Variants in THSD7B observed in about 807,000 individuals in gnomAD.
The protein encoded by THSD7B is thrombospondin type 1 domain containing 7B, also known as thrombospondin type-1 domain-containing protein 7B.
A neutral mutation model predicts 213.6 loss-of-function variants in THSD7B; 138 were observed. The observed-to-expected ratio is 0.65, with a 90% confidence interval of 0.56 to 0.74. The LOEUF is 0.74. THSD7B is among the 30% of genes least tolerant of loss of function. The pLI is 0.00. For missense variants in THSD7B, 1,931 were observed against 1,991.5 expected, an observed-to-expected ratio of 0.97 and a Z score of 0.58; for synonymous variants, 742 against 687.0, an observed-to-expected ratio of 1.08 and a Z score of -1.25.
At chr2:137,473,345 A>G (rs893093256) in intron 15 of THSD7B, among the ~76,000 whole-genome samples, 2 of 151,674 alleles carry the variant, frequency 1.3e-5, no homozygotes, top group African/African-American at 4.8e-5. Context: ...TCAGCCTCCC[A>G]CTACAGGCAC....
rs192968424 is a variant in THSD7B, at chr2:137,499,137, G to A, written c.3138+48114G>A. Among the ~76,000 whole-genome samples the A allele has an allele frequency of 6.0e-4, 91 of 152,214 alleles. 2 individuals carry two copies. The East Asian group carries it at 0.015, about 24-fold the overall frequency. On this transcript the variant is annotated intron_variant, in intron 15 of 27. Transcript: ENST00000409968. ...CAGGAGAAGGGTAAGTGTGGTAGTC[G>A]CCTGTAAGTAGATGAGGCAAGATCA...
At chr2:136,977,858 G>A (rs1277452314) in intron 2 of THSD7B, among the ~76,000 whole-genome samples, 1 of 148,034 alleles carries the variant, frequency 6.8e-6, no homozygotes, top group South Asian at 2.2e-4. Flanking sequence ...GGCCGGAAAA[G>A]GCATGATCTC....
At chr2:137,575,742 A>ATATATATATATATTTT (rs1235744133) in intron 17 of THSD7B, among the ~76,000 whole-genome samples, 53 of 147,410 alleles carry the variant, frequency 3.6e-4, no homozygotes, top group Middle Eastern at 3.7e-3. Flanking sequence ...ATATATATAT[A>ATATATATATATATTTT]TTTTTACTTT....
At chr2:136,990,905 C>G (rs757520188) in intron 2 of THSD7B, 2 of 1,349,016 alleles carry the variant, frequency 1.5e-6, no homozygotes, top group Non-Finnish European at 2.0e-6. Context: ...CATAACACAG[C>G]AGATGAGGTG....
At chr2:136,798,605 G>A (rs1358200509) in intron 1 of THSD7B, among the ~76,000 whole-genome samples, 1 of 151,866 alleles carries the variant, frequency 6.6e-6, no homozygotes, top group African/African-American at 2.4e-5. Flanking sequence ...TCCAGAGGTG[G>A]TACTGTCTCA....
At chr2:137,676,021 A>C (rs1196469019) in intron 27 of THSD7B, among the ~76,000 whole-genome samples, 1 of 152,190 alleles carries the variant, frequency 6.6e-6, no homozygotes, top group Non-Finnish European at 1.5e-5. Context: ...GGTAAAGCAG[A>C]GACCAGGTGA....
At chr2:136,778,150 G>A (rs373175157) in intron 1 of THSD7B, among the ~76,000 whole-genome samples, 6 of 152,200 alleles carry the variant, frequency 3.9e-5, no homozygotes, top group African/African-American at 1.4e-4. Context: ...TTCTACATTT[G>A]CTTTCACCCT....
chr2:136,989,782 G>A (rs928707338), intron 2 of THSD7B, among the ~76,000 whole-genome samples: 1 of 152,132 alleles, frequency 6.6e-6, no homozygotes, highest in African/African-American at 2.4e-5. Flanking sequence ...AGCTGGGAGA[G>A]GGGTAGAGAT....
At chr2:137,245,389 TTTGTATAG>T (rs1308012359) in intron 10 of THSD7B, among the ~76,000 whole-genome samples, 1 of 152,068 alleles carries the variant, frequency 6.6e-6, no homozygotes, top group Non-Finnish European at 1.5e-5. Flanking sequence ...TGGGCAAGTG[TTTGTATAG>T]TTGTATAGTT....
intron 3 of THSD7B, among the ~76,000 whole-genome samples, chr2:137,061,733 C>T (rs961777692): frequency 6.6e-6 from 1 of 151,658 alleles, no homozygotes; most frequent in Non-Finnish European, 1.5e-5. Context: ...GACGTAAATT[C>T]CTTTTACATA....
At chr2:136,998,345 C>A (rs1417482731) in intron 2 of THSD7B, among the ~76,000 whole-genome samples, 1 of 150,552 alleles carries the variant, frequency 6.6e-6, no homozygotes, top group Non-Finnish European at 1.5e-5. Flanking sequence ...GGTTTTTTTC[C>A]CTTTGTTTTT....
chr2:136,966,300 C>T (rs1187722526), intron 2 of THSD7B, among the ~76,000 whole-genome samples: 1 of 152,016 alleles, frequency 6.6e-6, no homozygotes, highest in Non-Finnish European at 1.5e-5. Context: ...TCACTGCAGC[C>T]TCAGCCCACC....
chr2:136,940,701 G>A (rs72617051), intron 2 of THSD7B, among the ~76,000 whole-genome samples: 18,902 of 137,014 alleles, frequency 0.14, 1,672 homozygotes, highest in East Asian at 0.44. Context: ...TGAGACATAC[G>A]TGTGTGTGTG....
At chr2:136,880,926 A>T (rs1683610849) in intron 1 of THSD7B, among the ~76,000 whole-genome samples, 1 of 152,118 alleles carries the variant, frequency 6.6e-6, no homozygotes, top group African/African-American at 2.4e-5. Context: ...CAAATCCCTC[A>T]TATGCCATTC....
At position 137,089,575 on chromosome 2, in the gene THSD7B, C is replaced by T. The variant is rs1252112576; in HGVS notation, c.951-5298C>T. 3.3e-5 allele frequency among the ~76,000 whole-genome samples: 5 copies of T among 152,004 alleles called. No individual in the cohort carries two copies. The South Asian group carries it at 1.0e-3, about 32-fold the overall frequency. On this transcript the variant is annotated intron_variant, in intron 3 of 27. Coordinates refer to ENST00000409968, the MANE Select transcript of THSD7B (RefSeq NM_001316349.2). ...AACTCAGGAATGGGAAACCAAACAT[C>T]ATATGTCCTCACTCATAAGTGGGAG...
At chr2:136,972,080 A>G (rs547603371) in intron 2 of THSD7B, among the ~76,000 whole-genome samples, 8 of 152,148 alleles carry the variant, frequency 5.3e-5, no homozygotes, top group Admixed American at 1.3e-4. Flanking sequence ...TGAAGTCTCT[A>G]TGACAAGGTT....
chr2:136,841,933 A>G (rs1229236004), intron 1 of THSD7B, among the ~76,000 whole-genome samples: 1 of 152,212 alleles, frequency 6.6e-6, no homozygotes, highest in African/African-American at 2.4e-5. Context: ...AGCTGTATGT[A>G]TCCTGACCTT....
At chr2:137,296,143 G>A (rs143038699) in intron 12 of THSD7B, among the ~76,000 whole-genome samples, 4 of 152,166 alleles carry the variant, frequency 2.6e-5, no homozygotes, top group African/African-American at 9.6e-5. Context: ...ATTCCATATT[G>A]CAAATTTCTT....
intron 15 of THSD7B, among the ~76,000 whole-genome samples, chr2:137,467,759 G>T (rs1200655009): frequency 1.3e-5 from 2 of 152,170 alleles, no homozygotes; most frequent in Non-Finnish European, 2.9e-5. Flanking sequence ...GATGCAAGTT[G>T]CATTGACCAG....
Sources: allele counts gnomAD v4.1 joint callset (sites outside exome capture counted in the v4.1 genomes callset), GRCh38; gene constraint gnomAD v4.1.1; transcripts MANE v1.5; gene names NCBI Gene and HGNC (gene_info 2026-07-23, HGNC 2026-07-21).